The following SHISA6 variants were observed in gnomAD, a reference collection of about 807,000 sequenced individuals.
SHISA6 encodes protein shisa-6.
A neutral mutation model predicts 47.9 loss-of-function variants in SHISA6; 22 were observed. That is an observed-to-expected ratio of 0.46 (90% CI 0.33 to 0.66). SHISA6 has a LOEUF of 0.66. Among genes scored for constraint, SHISA6 ranks in the 30% least tolerant of loss-of-function variants. The probability of loss-of-function intolerance (pLI) is 0.02; values close to 1 mark genes in which losing one functional copy is unlikely to be tolerated. For synonymous variants in SHISA6, 388 were observed against 337.8 expected (o/e 1.15, Z -1.63); for missense variants, 680 against 764.6 (o/e 0.89, Z 1.30).
intron 3 of SHISA6, among the ~76,000 whole-genome samples, chr17:11,540,972 T>C (rs1411748659): frequency 6.6e-6 from 1 of 152,208 alleles, no homozygotes; most frequent in Admixed American, 6.5e-5. Context: ...TTTCAGACAA[T>C]GACGCATAAT....
chr17:11,441,081 A>G (rs1420408505), intron 3 of SHISA6, among the ~76,000 whole-genome samples: 1 of 152,120 alleles, frequency 6.6e-6, no homozygotes, highest in Admixed American at 6.5e-5. Flanking sequence ...TCTCCTGAGG[A>G]ACAACAACAA....
rs145781783 is a variant in SHISA6 at position 11,510,378 on chromosome 17, T to C, written c.896-41518T>C. Among the ~76,000 whole-genome samples, 127 of 152,274 alleles carry C rather than the reference T, an allele frequency of 8.3e-4. 2 individuals carry two copies. The East Asian group carries it at 0.024, about 28-fold the overall frequency. ...GGGTAGGGGGAGAAGAACATTAGCCTGTATCGTTGCTTCAGTTAAAGCCTT... is the reference window on the plus strand; with the variant it reads ...GGGTAGGGGGAGAAGAACATTAGCCCGTATCGTTGCTTCAGTTAAAGCCTT... On this transcript the variant is annotated intron_variant, in intron 3 of 5. Coordinates refer to ENST00000441885, the MANE Select transcript of SHISA6 (RefSeq NM_207386.4).
intron 3 of SHISA6, among the ~76,000 whole-genome samples, chr17:11,523,191 T>C (rs1244636890): frequency 6.6e-6 from 1 of 152,190 alleles, no homozygotes; most frequent in Non-Finnish European, 1.5e-5. Context: ...AGGCACGTTC[T>C]AGGGCTGAGC....
chr17:11,530,599 G>C (rs766840220), intron 3 of SHISA6, among the ~76,000 whole-genome samples: 1 of 152,196 alleles, frequency 6.6e-6, no homozygotes, highest in Non-Finnish European at 1.5e-5. Context: ...CAGCACATGA[G>C]CAGAGAAATG....
intron 3 of SHISA6, among the ~76,000 whole-genome samples, chr17:11,464,939 T>TAAAAAAAA: frequency 6.9e-6 from 1 of 145,178 alleles, no homozygotes; most frequent in Non-Finnish European, 1.5e-5. Context: ...CAAAACTGAT[T>TAAAAAAAA]AAAAAAAAAA....
intron 2 of SHISA6, among the ~76,000 whole-genome samples, chr17:11,371,452 A>G (rs1185341046): frequency 6.6e-6 from 1 of 152,186 alleles, no homozygotes; most frequent in African/African-American, 2.4e-5. Flanking sequence ...AGGGAGGTAC[A>G]TGGGAAAGAG....
chr17:11,535,197 C>A (rs1357960277), intron 3 of SHISA6, among the ~76,000 whole-genome samples: 1 of 152,046 alleles, frequency 6.6e-6, no homozygotes, highest in Non-Finnish European at 1.5e-5. Flanking sequence ...TATAAGATGG[C>A]AGAGGACCCC....
chr17:11,452,637 TCC>T (rs1169267788), intron 3 of SHISA6, among the ~76,000 whole-genome samples: 2 of 17,328 alleles, frequency 1.2e-4, no homozygotes, highest in Non-Finnish European at 2.2e-4. Context: ...CTCTTTCTCC[TCC>T]TCTTCCTCTC....
chr17:11,494,472 C>T (rs1729443238), intron 3 of SHISA6, among the ~76,000 whole-genome samples: 1 of 152,222 alleles, frequency 6.6e-6, no homozygotes, highest in South Asian at 2.1e-4. Flanking sequence ...TGCACCTCTG[C>T]ACACCCACAG....
At chr17:11,464,803 G>A (rs76206915) in intron 3 of SHISA6, among the ~76,000 whole-genome samples, 39,958 of 151,870 alleles carry the variant, frequency 0.26, 5,448 homozygotes, top group Middle Eastern at 0.37. Context: ...TTAGCCGGGA[G>A]TGGTGGCGGG....
intron 2 of SHISA6, among the ~76,000 whole-genome samples, chr17:11,328,383 A>G (rs573795663): frequency 2.0e-5 from 3 of 152,300 alleles, no homozygotes; most frequent in Non-Finnish European, 4.4e-5. Context: ...TAGCCTTGGA[A>G]GCATTCCAAG....
At chr17:11,554,181 A>G (rs779508487) in intron 4 of SHISA6, among the ~76,000 whole-genome samples, 15 of 152,142 alleles carry the variant, frequency 9.9e-5, no homozygotes, top group Non-Finnish European at 1.9e-4. Flanking sequence ...ATGAGTGGCT[A>G]TTACTCCCTC....
At chr17:11,523,566 A>G (rs555727374) in intron 3 of SHISA6, among the ~76,000 whole-genome samples, 1 of 152,314 alleles carries the variant, frequency 6.6e-6, no homozygotes, top group East Asian at 1.9e-4. Flanking sequence ...CTGACTAACA[A>G]GGATAGTCTA....
chr17:11,344,996 C>T (rs1238554620), intron 2 of SHISA6, among the ~76,000 whole-genome samples: 2 of 152,118 alleles, frequency 1.3e-5, no homozygotes, highest in Non-Finnish European at 2.9e-5. Flanking sequence ...ATGAGCTCAA[C>T]TATTTAGCTC....
intron 2 of SHISA6, among the ~76,000 whole-genome samples, chr17:11,308,798 A>C (rs1156750607): frequency 6.6e-6 from 1 of 152,164 alleles, no homozygotes; most frequent in Admixed American, 6.5e-5. Flanking sequence ...CTGTAAAGAA[A>C]ATGCTTTGTT....
chr17:11,247,134 A>G (rs1907622855), intron 1 of SHISA6, among the ~76,000 whole-genome samples: 1 of 152,262 alleles, frequency 6.6e-6, no homozygotes, highest in African/African-American at 2.4e-5. Flanking sequence ...GGTTTTAATG[A>G]GAGATCGGAT....
intron 2 of SHISA6, among the ~76,000 whole-genome samples, chr17:11,266,748 A>G (rs1006514466): frequency 5.9e-5 from 9 of 152,320 alleles, no homozygotes; most frequent in African/African-American, 2.2e-4. Context: ...ACCAAAGGCA[A>G]TGCATTGGTG....
At chr17:11,376,942 C>T (rs1459490526) in intron 2 of SHISA6, among the ~76,000 whole-genome samples, 1 of 152,198 alleles carries the variant, frequency 6.6e-6, no homozygotes, top group Non-Finnish European at 1.5e-5. Context: ...ACTTTGAGAA[C>T]CACAGTTCAA....
intron 3 of SHISA6, among the ~76,000 whole-genome samples, chr17:11,507,589 C>T (rs559817936): frequency 6.6e-6 from 1 of 152,202 alleles, no homozygotes; most frequent in Non-Finnish European, 1.5e-5. Flanking sequence ...TCCTCTTTCC[C>T]TGGATCTCTG....
Sources: gnomAD v4.1 joint callset for allele counts (sites outside exome capture counted in the v4.1 genomes callset) on GRCh38, gnomAD v4.1.1 for gene constraint, MANE v1.5 for transcripts, NCBI Gene and HGNC (gene_info 2026-07-23, HGNC 2026-07-21) for gene names.